The following AGGF1 variants were observed in gnomAD, a reference collection of about 807,000 sequenced individuals.
AGGF1 encodes the protein angiogenic factor with G patch and FHA domains 1.
AGGF1 carries 56 observed loss-of-function variants against 86.5 expected under a neutral mutation model. The observed-to-expected ratio is 0.65, with a 90% CI of 0.52 to 0.81. The LOEUF is 0.81. Ranked by LOEUF, AGGF1 falls within the 30% of genes least tolerant of loss-of-function variation. AGGF1 has a pLI of 0.00. For missense variants in AGGF1, 816 were observed against 850.9 expected (o/e 0.96, Z 0.51); for synonymous variants, 313 against 297.1 (o/e 1.05, Z -0.55).
chr5:77,040,552 T>G (rs751411480), intron 5 of AGGF1, among the ~76,000 whole-genome samples: 1 of 152,176 alleles, frequency 6.6e-6, no homozygotes, highest in African/African-American at 2.4e-5. Context: ...AAAAGTATTA[T>G]GTAGGCTTTC....
At chr5:77,048,688 G>A (rs1368519431) in intron 7 of AGGF1, among the ~76,000 whole-genome samples, 4 of 152,160 alleles carry the variant, frequency 2.6e-5, no homozygotes. Context: ...TGGATACAAA[G>A]AGGACTAATG....
At chr5:77,061,619 A>G (rs752549395) in intron 12 of AGGF1, 84 bp from the exon 13 acceptor site, 1 of 1,369,272 alleles carries the variant, frequency 7.3e-7, no homozygotes, top group African/African-American at 1.4e-5. Context: ...TAGTTGTACC[A>G]ATTACTTTTA....
At chr5:77,061,655 C>A in intron 12 of AGGF1, 48 bp from the exon 13 acceptor site, 1 of 1,516,610 alleles carries the variant, frequency 6.6e-7, no homozygotes, top group Non-Finnish European at 9.1e-7. Flanking sequence ...ATAAATGTGA[C>A]CTAAAAGATC....
In AGGF1 at chr5:77,042,088, G is replaced by C. The variant is rs370019762; in HGVS notation, c.870+2369G>C. On this transcript the variant is annotated intron_variant, in intron 5 of 13. Transcript: ENST00000312916. Reference sequence around the variant, plus strand: ...CACCACCCTTAATCCTTTTAACCCTGAGTGGACACAGCACATGTTTCAGAG... The same window carrying C: ...CACCACCCTTAATCCTTTTAACCCTCAGTGGACACAGCACATGTTTCAGAG... 8.7e-3 allele frequency among the ~76,000 whole-genome samples: 1,314 copies of C among 151,620 alleles called. 7 individuals carry two copies. The highest frequency in any genetic ancestry group is 0.014 in the East Asian group (72 of 5,128).
intron 5 of AGGF1, among the ~76,000 whole-genome samples, chr5:77,042,733 C>T (rs1747134138): frequency 2.5e-5 from 1 of 40,390 alleles, no homozygotes; most frequent in African/African-American, 6.8e-5. Context: ...CCTCACCTCC[C>T]GGACGGGGCG....
intron 5 of AGGF1, among the ~76,000 whole-genome samples, chr5:77,042,143 C>G (rs1162955558): frequency 6.6e-6 from 1 of 152,040 alleles, no homozygotes; most frequent in Non-Finnish European, 1.5e-5. Context: ...GGTCACAGAT[C>G]AACAGGATCC....
chr5:77,062,622 A>C (rs116228803), intron 13 of AGGF1, among the ~76,000 whole-genome samples: 1 of 152,198 alleles, frequency 6.6e-6, no homozygotes, highest in African/African-American at 2.4e-5. Context: ...AATATTGAGA[A>C]GTGCTCCCCT....
chr5:77,042,503 A>C (rs1331297521), intron 5 of AGGF1, among the ~76,000 whole-genome samples: 4 of 24,064 alleles, frequency 1.7e-4, no homozygotes, highest in Non-Finnish European at 2.8e-4. Context: ...GACCCCCCCC[A>C]CCTCCCTCCC....
At chr5:77,061,900 TAGAA>T in intron 13 of AGGF1, 98 bp downstream of exon 13, 1 of 1,144,718 alleles carries the variant, frequency 8.7e-7, no homozygotes, top group Non-Finnish European at 1.3e-6. Context: ...AAGAATATAG[TAGAA>T]AGCAAAAGGA....
intron 2 of AGGF1, 75 bp from the exon 3 acceptor site, chr5:77,035,464 CCA>C: frequency 9.3e-7 from 1 of 1,072,000 alleles, no homozygotes; most frequent in Non-Finnish European, 1.4e-6. Flanking sequence ...TGTTTAAATG[CCA>C]GTGTTTTGTA....
At chr5:77,042,489 G>C (rs1361562770) in intron 5 of AGGF1, among the ~76,000 whole-genome samples, 1 of 55,882 alleles carries the variant, frequency 1.8e-5, no homozygotes, top group Non-Finnish European at 4.7e-5. Context: ...CCGGGCGGGG[G>C]GCTGACCCCC....
rs141046723 is a variant in AGGF1 at position 77,063,217 on chromosome 5, G to A, written c.2110G>A (p.Gly704Arg). Residue 704 changes from glycine to arginine, a missense_variant, in exon 14 of 14, where the codon GGG becomes AGG. Around this residue, in one of 3 missense-constraint regions of AGGF1, gnomAD observed 565 missense variants for 585.8 expected, o/e 0.96. Transcript: ENST00000312916. ...AACTAAGCCTCAAAAAGATGACCCA[G>A]GGACCATGCCTTGGGTAAAAGGGAC... ...PETKPQKDDP[G>R]TMPWVKGTLE The A allele has an allele frequency of 9.5e-5, 154 of 1,613,858 alleles. No individual in the cohort carries two copies. In the African/African-American group the frequency reaches 1.8e-3, roughly 19 times the overall value.
intron 6 of AGGF1, among the ~76,000 whole-genome samples, chr5:77,047,110 C>A (rs1263935026): frequency 6.6e-6 from 1 of 152,064 alleles, no homozygotes; most frequent in Non-Finnish European, 1.5e-5. Context: ...TAAAGACATA[C>A]TTTTAAAACA....
chr5:77,063,611 G>A lies in AGGF1; in HGVS notation c.*359G>A. The A allele has an allele frequency of 4.4e-6, 1 of 226,378 alleles. No individual in the cohort carries two copies. The highest frequency in any genetic ancestry group is 8.8e-6 in the Non-Finnish European group (1 of 114,022). 14.0% of individuals were successfully genotyped at this position (226,378 alleles called of 1,614,324 possible). A position where few individuals can be genotyped will look rare whatever the true frequency, so the allele number is the denominator to read the frequency against. ...TCTGTTCTTGTCTCCATATATTCATGTAAGATGCACAACAAAAGAAACATC... is the reference window on the plus strand; with the variant it reads ...TCTGTTCTTGTCTCCATATATTCATATAAGATGCACAACAAAAGAAACATC... On this transcript the variant is annotated 3_prime_UTR_variant, in exon 14 of 14. Transcript: ENST00000312916.
At chr5:77,039,223 T>C (rs2150728248) in intron 4 of AGGF1, among the ~76,000 whole-genome samples, 1 of 152,262 alleles carries the variant, frequency 6.6e-6, no homozygotes, top group East Asian at 1.9e-4. Context: ...TTTTAATGTA[T>C]TAAGTGGAAC....
intron 11 of AGGF1, among the ~76,000 whole-genome samples, chr5:77,057,068 A>G (rs1282329549): frequency 1.3e-5 from 2 of 152,226 alleles, no homozygotes; most frequent in African/African-American, 2.4e-5. Flanking sequence ...ATACCACTAC[A>G]CATCTATTAG....
chr5:77,041,466 C>T (rs956788081), intron 5 of AGGF1, among the ~76,000 whole-genome samples: 4 of 150,704 alleles, frequency 2.7e-5, no homozygotes, highest in Non-Finnish European at 4.4e-5. Context: ...GCTTGGGAGG[C>T]TGAGGCAGGA....
At position 77,030,567 on chromosome 5, in the gene AGGF1, C is replaced by G; in HGVS notation, c.-200C>G. 2 of 719,034 alleles carry G rather than the reference C, an allele frequency of 2.8e-6. No homozygotes were observed. Among genetic ancestry groups the G allele is most frequent in the South Asian group, 3.0e-5 (2 of 67,180 alleles). 44.5% of individuals were successfully genotyped at this position (719,034 alleles called of 1,614,324 possible). A position where few individuals can be genotyped will look rare whatever the true frequency, so the allele number is the denominator to read the frequency against. ...GCGCACATCGGGCAGGGGCCATCCTCGGTCCCCTTGCTCGTTGCTCGCAGC... is the reference window on the plus strand; with the variant it reads ...GCGCACATCGGGCAGGGGCCATCCTGGGTCCCCTTGCTCGTTGCTCGCAGC... On this transcript the variant is annotated 5_prime_UTR_variant, in exon 1 of 14. Coordinates refer to ENST00000312916, the MANE Select transcript of AGGF1 (RefSeq NM_018046.5).
At chr5:77,033,977 GA>G (rs35962267) in intron 1 of AGGF1, among the ~76,000 whole-genome samples, 2 of 152,286 alleles carry the variant, frequency 1.3e-5, no homozygotes, top group African/African-American at 4.8e-5. Flanking sequence ...ACTGTTTAAT[GA>G]AAAAATGTAT....
Sources: allele counts gnomAD v4.1 joint callset (sites outside exome capture counted in the v4.1 genomes callset), GRCh38; gene constraint gnomAD v4.1.1; regional missense constraint gnomAD v4.1.1; transcripts MANE v1.5; gene names NCBI Gene and HGNC (gene_info 2026-07-23, HGNC 2026-07-21).